Variants in TUBB2B observed in about 807,000 individuals in gnomAD.
TUBB2B encodes the protein tubulin beta 2B class IIb, also known as tubulin beta-2B chain.
A neutral mutation model predicts 35.0 loss-of-function variants in TUBB2B; 5 were observed. The observed-to-expected ratio is 0.14, with a 90% confidence interval of 0.07 to 0.30. The LOEUF is 0.30. Among genes scored for constraint, TUBB2B ranks in the 10% least tolerant of loss-of-function variants. The pLI is 1.00. For synonymous variants in TUBB2B, 166 were observed against 250.5 expected, an observed-to-expected ratio of 0.66 and a Z score of 3.18; for missense variants, 63 against 601.8, an observed-to-expected ratio of 0.10 and a Z score of 9.37.
Position 3,227,119 on chromosome 6 carries a change from C to G in TUBB2B, c.57+368G>C, listed in dbSNP as rs999875166. Among the ~76,000 whole-genome samples the G allele has an allele frequency of 5.9e-5, 9 of 152,300 alleles. No homozygotes were observed. The South Asian group carries it at 1.9e-3, about 32-fold the overall frequency. Reference sequence around the variant, plus strand: ...GCTCTCCTCCCCTCCCCCGGCAGCTCGACTCCGGTTCAAGCGAGTACAATT... The same window carrying G: ...GCTCTCCTCCCCTCCCCCGGCAGCTGGACTCCGGTTCAAGCGAGTACAATT... On this transcript the variant is annotated intron_variant, in intron 1 of 3. Coordinates refer to ENST00000259818, the MANE Select transcript of TUBB2B (RefSeq NM_178012.5). This position sits in a 1 kb window ranked among gnomAD's most constrained non-coding sequence, Gnocchi z 7.8.
chr6:3,224,537 T>C lies in TUBB2B; in HGVS notation c.*214A>G, dbSNP rs187578738. 167 of 702,326 alleles carry C rather than the reference T, an allele frequency of 2.4e-4. 1 individual carries two copies. The highest frequency in any genetic ancestry group is 1.2e-5 in the Non-Finnish European group (5 of 431,246). 43.5% of individuals were successfully genotyped at this position (702,326 alleles called of 1,614,324 possible). ...TATGTGATTTTAGCCATTACAACAG[T>C]AATTCAGAAATATCTCAAATGTTAC... On this transcript the variant is annotated 3_prime_UTR_variant, in exon 4 of 4. Transcript: ENST00000259818.
rs774858296 is a variant in TUBB2B, at chr6:3,227,583, G to T, written c.-40C>A. 1 of 1,607,956 alleles carries T rather than the reference G, an allele frequency of 6.2e-7. No homozygotes were observed. The highest frequency in any genetic ancestry group is 1.1e-5 in the South Asian group (1 of 90,732). On this transcript the variant is annotated 5_prime_UTR_variant, in exon 1 of 4. Transcript: ENST00000259818. The surrounding 1 kb of genome is among the most constrained non-coding windows in gnomAD (Gnocchi z 7.8). ...GTCCTCCTGGTCCGGCGGCGTCTGGGTCTGTCCGTCCTCCCCTCACACACC... is the reference window on the plus strand; with the variant it reads ...GTCCTCCTGGTCCGGCGGCGTCTGGTTCTGTCCGTCCTCCCCTCACACACC...
rs779927071 is a variant in TUBB2B, at chr6:3,224,350, A to G, written c.*401T>C. ...TCTCATCTTAACTGTGATTGGTTCA[A>G]TTTTACCATACCGAAAGAATAAATT... On this transcript the variant is annotated 3_prime_UTR_variant, in exon 4 of 4. Transcript: ENST00000259818. 54 of 273,066 alleles carry G rather than the reference A, an allele frequency of 2.0e-4. No individual in the cohort carries two copies. The highest frequency in any genetic ancestry group is 2.6e-4 in the Non-Finnish European group (38 of 144,334). 16.9% of individuals were successfully genotyped at this position (273,066 alleles called of 1,614,324 possible). A position where few individuals can be genotyped will look rare whatever the true frequency, so the allele number is the denominator to read the frequency against.
rs536291713 is a variant in TUBB2B, at chr6:3,226,519, T to C, written c.166+42A>G. On this transcript the variant is annotated intron_variant, in intron 2 of 3. Transcript: ENST00000259818. The surrounding 1 kb of genome is among the most constrained non-coding windows in gnomAD (Gnocchi z 5.5). Reference sequence around the variant, plus strand: ...CCCACGCAAGGGAAAGGGGAGAAGGTGGAAAAACTGAAGGGAGTGGGGGTG... The same window carrying C: ...CCCACGCAAGGGAAAGGGGAGAAGGCGGAAAAACTGAAGGGAGTGGGGGTG... 7 of 1,570,896 alleles carry C rather than the reference T, an allele frequency of 4.5e-6. No individual in the cohort carries two copies. The African/African-American group carries it at 8.1e-5, about 18-fold the overall frequency.
Position 3,226,296 on chromosome 6 carries a change from C to T in TUBB2B, c.167-27G>A. 1 of 1,598,536 alleles carries T rather than the reference C, an allele frequency of 6.3e-7. No individual in the cohort carries two copies. The highest frequency in any genetic ancestry group is 8.6e-7 in the Non-Finnish European group (1 of 1,166,566). ...TGCAAGGAACAACAGTGACTTAGAC[C>T]CTCAGGCAAGGACCTCTGCAGAGAA... On this transcript the variant is annotated intron_variant, in intron 2 of 3. Transcript: ENST00000259818. The surrounding 1 kb of genome is among the most constrained non-coding windows in gnomAD (Gnocchi z 5.5).
In TUBB2B at chr6:3,227,451, GC is replaced by G; in HGVS notation, c.57+35del. 1.2e-6 allele frequency: 2 copies of G among 1,602,072 alleles called. No individual in the cohort carries two copies. On this transcript the variant is annotated intron_variant, in intron 1 of 3. Coordinates refer to ENST00000259818, the MANE Select transcript of TUBB2B (RefSeq NM_178012.5). The surrounding 1 kb of genome is among the most constrained non-coding windows in gnomAD (Gnocchi z 7.8). ...CGAGGGGCTCTCGGCCCAGGTTCGC[GC>G]CCCCATTGGACCCCCTCCGCTGCGG...
rs1757300595 is a variant in TUBB2B at position 3,227,272 on chromosome 6, G to A, written c.57+215C>T. Among the ~76,000 whole-genome samples the A allele has an allele frequency of 6.6e-6, 1 of 152,122 alleles. No individual in the cohort carries two copies. Among genetic ancestry groups the A allele is most frequent in the South Asian group, 2.1e-4 (1 of 4,834 alleles). On this transcript the variant is annotated intron_variant, in intron 1 of 3. Coordinates refer to ENST00000259818, the MANE Select transcript of TUBB2B (RefSeq NM_178012.5). The surrounding 1 kb of genome is among the most constrained non-coding windows in gnomAD (Gnocchi z 7.8). Reference sequence around the variant, plus strand: ...GGAGGGAGGCCGAGGGGGTGACGGGGACTCCAAATGAGTTACAGCAGAAAG... The same window carrying A: ...GGAGGGAGGCCGAGGGGGTGACGGGAACTCCAAATGAGTTACAGCAGAAAG...
At position 3,226,757 on chromosome 6, in the gene TUBB2B, A is replaced by G; in HGVS notation, c.58-88T>C. 8.7e-7 allele frequency: 1 copy of G among 1,149,706 alleles called. No individual in the cohort carries two copies. The highest frequency in any genetic ancestry group is 1.7e-5 in the Admixed American group (1 of 58,952). 71.2% of individuals were successfully genotyped at this position (1,149,706 alleles called of 1,614,324 possible). A position where few individuals can be genotyped will look rare whatever the true frequency, so the allele number is the denominator to read the frequency against. On this transcript the variant is annotated intron_variant, in intron 1 of 3. Transcript: ENST00000259818. This position sits in a 1 kb window ranked among gnomAD's most constrained non-coding sequence, Gnocchi z 5.5. ...GAAATGTCCCCGACTCAGTTCCGAC[A>G]ACCCAACATTTCAGGAGCTTGAAGC... is the stretch of plus-strand genomic sequence containing the variant.
chr6:3,224,517 G>A lies in TUBB2B; in HGVS notation c.*234C>T, dbSNP rs1208580833. 9.9e-5 allele frequency: 64 copies of A among 644,700 alleles called. No homozygotes were observed. Among genetic ancestry groups the A allele is most frequent in the Non-Finnish European group, 1.7e-4 (63 of 380,740 alleles). The allele number at this position is 644,700 out of a possible 1,614,324, so 39.9% of individuals were successfully genotyped here. A position where few individuals can be genotyped will look rare whatever the true frequency, so the allele number is the denominator to read the frequency against. ...ACCATTCCGACACAAACGTTTATGT[G>A]ATTTTAGCCATTACAACAGTAATTC... On this transcript the variant is annotated 3_prime_UTR_variant, in exon 4 of 4. Coordinates refer to ENST00000259818, the MANE Select transcript of TUBB2B (RefSeq NM_178012.5).
chr6:3,227,367 G>C lies in TUBB2B; in HGVS notation c.57+120C>G. On this transcript the variant is annotated intron_variant, in intron 1 of 3. Transcript: ENST00000259818. The surrounding 1 kb of genome is among the most constrained non-coding windows in gnomAD (Gnocchi z 7.8). ...AGGCCACACTCGGCGGCACAAAGCGGCCAGGAAGGTCTGCATTTGGCGATC... is the reference window on the plus strand; with the variant it reads ...AGGCCACACTCGGCGGCACAAAGCGCCCAGGAAGGTCTGCATTTGGCGATC... 7.4e-7 allele frequency: 1 copy of C among 1,353,378 alleles called. No individual in the cohort carries two copies. The highest frequency in any genetic ancestry group is 1.0e-6 in the Non-Finnish European group (1 of 988,664). 83.8% of individuals were successfully genotyped at this position (1,353,378 alleles called of 1,614,324 possible). A position where few individuals can be genotyped will look rare whatever the true frequency, so the allele number is the denominator to read the frequency against.
chr6:3,225,871 A>C (rs974038963), intron 3 of TUBB2B, 60 bp from the exon 4 acceptor site: 1 of 1,606,682 alleles, frequency 6.2e-7, no homozygotes, highest in East Asian at 2.2e-5. Context: ...CCTTACCTCA[A>C]ACCCCTCAAT....
chr6:3,224,892 C>T lies in TUBB2B; in HGVS notation c.1197G>A (p.Thr399=), dbSNP rs752691436. Residue 399 remains threonine (T), a synonymous_variant, in exon 4 of 4, where the codon ACG becomes ACA. Transcript: ENST00000259818. The stretch of plus-strand genomic sequence containing the variant: ...ACTCCATCTCGTCCATGCCCTCGCC[C>T]GTGTACCAGTGCAGGAAGGCCTTGC... ...FRRKAFLHWY[T]GEGMDEMEFT... 4.4e-5 allele frequency: 71 copies of T among 1,601,378 alleles called. No homozygotes were observed. The highest frequency in any genetic ancestry group is 5.8e-5 in the Non-Finnish European group (68 of 1,177,224).
In TUBB2B at chr6:3,227,614, CG is replaced by C. The variant is rs1278416900; in HGVS notation, c.-72del. ...CCGTCCTCCCCTCACACACCCACTG[CG>C]GGGTCACCGGGAAGGCGCTCGGGAA... On this transcript the variant is annotated 5_prime_UTR_variant, in exon 1 of 4. Coordinates refer to ENST00000259818, the MANE Select transcript of TUBB2B (RefSeq NM_178012.5). This position sits in a 1 kb window ranked among gnomAD's most constrained non-coding sequence, Gnocchi z 7.8. 6.3e-7 allele frequency: 1 copy of C among 1,581,170 alleles called. No individual in the cohort carries two copies. The highest frequency in any genetic ancestry group is 8.6e-7 in the Non-Finnish European group (1 of 1,163,250).
In TUBB2B at chr6:3,226,486, C is replaced by T; in HGVS notation, c.166+75G>A. 4 of 1,394,862 alleles carry T rather than the reference C, an allele frequency of 2.9e-6. No homozygotes were observed. Among genetic ancestry groups the T allele is most frequent in the Non-Finnish European group, 2.0e-6 (2 of 980,572 alleles). 86.4% of individuals were successfully genotyped at this position (1,394,862 alleles called of 1,614,324 possible). On this transcript the variant is annotated intron_variant, in intron 2 of 3. Coordinates refer to ENST00000259818, the MANE Select transcript of TUBB2B (RefSeq NM_178012.5). This position sits in a 1 kb window ranked among gnomAD's most constrained non-coding sequence, Gnocchi z 5.5. The stretch of plus-strand genomic sequence containing the variant: ...GTCCACCCTCTCCCAGGGCCACACC[C>T]CTGGGGTCCCACGCAAGGGAAAGGG...
In TUBB2B at chr6:3,227,339, C is replaced by A; in HGVS notation, c.57+148G>T. ...TCCGTCCGCGAAAGTCACCTCCTAG[C>A]CCAGGCCACACTCGGCGGCACAAAG... On this transcript the variant is annotated intron_variant, in intron 1 of 3. Transcript: ENST00000259818. The surrounding 1 kb of genome is among the most constrained non-coding windows in gnomAD (Gnocchi z 7.8). The A allele has an allele frequency of 4.7e-6, 5 of 1,069,616 alleles. No homozygotes were observed. Among genetic ancestry groups the A allele is most frequent in the Non-Finnish European group, 5.4e-6 (4 of 744,790 alleles). The allele number at this position is 1,069,616 out of a possible 1,614,324, so 66.3% of individuals were successfully genotyped here.
In TUBB2B at chr6:3,225,836, A is replaced by G. The variant is rs368205081; in HGVS notation, c.278-25T>C. 5.3e-5 allele frequency: 85 copies of G among 1,613,406 alleles called. No homozygotes were observed. The African/African-American group carries it at 9.6e-4, about 18-fold the overall frequency. ...CCTGCCAGAGGGAAAGAGAAATCTTAAGTCACCGGTGATTGTACTAAATAC... is the reference window on the plus strand; with the variant it reads ...CCTGCCAGAGGGAAAGAGAAATCTTGAGTCACCGGTGATTGTACTAAATAC... On this transcript the variant is annotated intron_variant, in intron 3 of 3. Coordinates refer to ENST00000259818, the MANE Select transcript of TUBB2B (RefSeq NM_178012.5).
Position 3,227,615 on chromosome 6 carries a change from G to A in TUBB2B, c.-72C>T, listed in dbSNP as rs1483258548. 3.8e-6 allele frequency: 6 copies of A among 1,586,150 alleles called. No homozygotes were observed. The African/African-American group carries it at 4.0e-5, about 11-fold the overall frequency. The stretch of plus-strand genomic sequence containing the variant: ...CGTCCTCCCCTCACACACCCACTGC[G>A]GGGTCACCGGGAAGGCGCTCGGGAA... On this transcript the variant is annotated 5_prime_UTR_variant, in exon 1 of 4. Transcript: ENST00000259818. This position sits in a 1 kb window ranked among gnomAD's most constrained non-coding sequence, Gnocchi z 7.8.
rs374712202 is a variant in TUBB2B, at chr6:3,226,211, C to A, written c.225G>T (p.Ser75=). ...TCTGGCCGAATGGTCCAGACCTAACCGAATCCATCGTGCCTGGCTCCAGAT... is the reference window on the plus strand; with the variant it reads ...TCTGGCCGAATGGTCCAGACCTAACAGAATCCATCGTGCCTGGCTCCAGAT... ...LVDLEPGTMD[S]VRSGPFGQIF... Residue 75 remains serine, a synonymous_variant, in exon 3 of 4, where the codon TCG becomes TCT. Transcript: ENST00000259818. The surrounding 1 kb of genome is among the most constrained non-coding windows in gnomAD (Gnocchi z 5.5). 6 of 1,614,130 alleles carry A rather than the reference C, an allele frequency of 3.7e-6. No individual in the cohort carries two copies. Among genetic ancestry groups the A allele is most frequent in the Non-Finnish European group, 5.1e-6 (6 of 1,180,026 alleles).
chr6:3,225,912 C>G (rs1217477053), intron 3 of TUBB2B, 101 bp from the exon 4 acceptor site: 6 of 1,554,692 alleles, frequency 3.9e-6, no homozygotes, highest in Non-Finnish European at 5.2e-6. Flanking sequence ...TCAGATAAGA[C>G]TATTTCAGAT....
Sources: allele counts gnomAD v4.1 joint callset (sites outside exome capture counted in the v4.1 genomes callset), GRCh38; gene constraint gnomAD v4.1.1; non-coding constraint Gnocchi (gnomAD v3.1); transcripts MANE v1.5; gene names NCBI Gene and HGNC (gene_info 2026-07-23, HGNC 2026-07-21).